Variants in OPN5 observed in about 807,000 individuals in gnomAD.
OPN5 encodes the protein opsin-5.
In OPN5, 18 loss-of-function variants were observed where a neutral mutation model predicts 41.7. The ratio of observed to expected loss-of-function variants is 0.43; its 90% CI spans 0.30 to 0.64. The LOEUF is 0.64. Among genes scored for constraint, OPN5 ranks in the 30% least tolerant of loss-of-function variants. OPN5 has a pLI of 0.13. For missense variants in OPN5, 318 were observed against 434.5 expected, an observed-to-expected ratio of 0.73 and a Z score of 2.38; for synonymous variants, 178 against 164.3, an observed-to-expected ratio of 1.08 and a Z score of -0.64.
At chr6:47,791,954 A>C in exon 3 of OPN5, 1 of 1,613,504 alleles carries the variant, frequency 6.2e-7, no homozygotes, top group Non-Finnish European at 8.5e-7. Flanking sequence ...ATATTTGAAA[A>C]TCTGCTATTT....
At chr6:47,816,042 C>A (rs146137096) in intron 6 of OPN5, among the ~76,000 whole-genome samples, 1 of 152,238 alleles carries the variant, frequency 6.6e-6, no homozygotes, top group Non-Finnish European at 1.5e-5. Flanking sequence ...AGAAAAAATT[C>A]TTTCAGGTAT....
At position 47,823,977 on chromosome 6, in the gene OPN5, C is replaced by T; in HGVS notation, c.1057-6C>T. 4 of 1,550,070 alleles carry T rather than the reference C, an allele frequency of 2.6e-6. No homozygotes were observed. The South Asian group carries it at 4.8e-5, about 18-fold the overall frequency. ...ACCCTAAAACTCAATTTTTTCTTCT[C>T]TACAGTGGGAATAACAAATGTTCTG... is the stretch of plus-strand genomic sequence containing the variant. On this transcript the variant is annotated splice_polypyrimidine_tract_variant and splice_region_variant and intron_variant, in intron 6 of 6. Coordinates refer to ENST00000371211, the Ensembl canonical transcript of OPN5.
intron 2 of OPN5, among the ~76,000 whole-genome samples, chr6:47,789,297 T>C (rs1463305706): frequency 2.0e-5 from 3 of 152,206 alleles, no homozygotes; most frequent in Non-Finnish European, 4.4e-5. Flanking sequence ...AATGTCTTTA[T>C]GTAAAACAAC....
chr6:47,786,285 G>A (rs1284284114), intron 1 of OPN5, among the ~76,000 whole-genome samples: 1 of 152,170 alleles, frequency 6.6e-6, no homozygotes, highest in Non-Finnish European at 1.5e-5. Context: ...AGTTAGCGAT[G>A]CCTTTTTCTG....
chr6:47,806,950 G>A (rs529810017), intron 4 of OPN5, among the ~76,000 whole-genome samples: 2 of 152,144 alleles, frequency 1.3e-5, no homozygotes, highest in Non-Finnish European at 2.9e-5. Context: ...CTAAGGTCGG[G>A]AGTTCGAGAC....
intron 2 of OPN5, among the ~76,000 whole-genome samples, chr6:47,791,231 A>G (rs1043415628): frequency 6.6e-6 from 1 of 152,196 alleles, no homozygotes; most frequent in South Asian, 2.1e-4. Flanking sequence ...TTCCATGAGA[A>G]AAAATGTTAT....
intron 6 of OPN5, among the ~76,000 whole-genome samples, chr6:47,821,438 A>G (rs1293875780): frequency 2.0e-5 from 3 of 152,156 alleles, no homozygotes; most frequent in Non-Finnish European, 4.4e-5. Flanking sequence ...AACCAGAGAG[A>G]GCTTTGTGAG....
At chr6:47,788,387 A>T (rs1334597987) in intron 2 of OPN5, among the ~76,000 whole-genome samples, 1 of 152,146 alleles carries the variant, frequency 6.6e-6, no homozygotes, top group Non-Finnish European at 1.5e-5. Flanking sequence ...GCTGAACTAG[A>T]CTAGGCTTGA....
chr6:47,816,973 C>T (rs1039624427), intron 6 of OPN5, among the ~76,000 whole-genome samples: 7 of 152,040 alleles, frequency 4.6e-5, no homozygotes, highest in African/African-American at 1.7e-4. Flanking sequence ...GTCTGGTCAC[C>T]ATAGATCTGG....
At chr6:47,810,468 T>G (rs1774148950) in intron 5 of OPN5, among the ~76,000 whole-genome samples, 1 of 145,768 alleles carries the variant, frequency 6.9e-6, no homozygotes, top group African/African-American at 2.8e-5. Context: ...CAGAGCAAGG[T>G]TAAGTGATGT....
Position 47,786,641 on chromosome 6 carries a change from CA to C in OPN5, c.250+9del. 1.9e-6 allele frequency: 3 copies of C among 1,612,828 alleles called. No homozygotes were observed. Among genetic ancestry groups the C allele is most frequent in the Non-Finnish European group, 2.5e-6 (3 of 1,179,088 alleles). Reference sequence around the variant, plus strand: ...TGTGATCTGGGGATTTCAGGTAACACAACCATGCTGTGTTTTCTTTGTGGGT... The same window carrying C: ...TGTGATCTGGGGATTTCAGGTAACACACCATGCTGTGTTTTCTTTGTGGGT... On this transcript the variant is annotated splice_region_variant and intron_variant, in intron 2 of 6. Coordinates refer to ENST00000371211, the Ensembl canonical transcript of OPN5.
exon 4 of OPN5, chr6:47,795,282 T>C: frequency 6.2e-7 from 1 of 1,613,384 alleles, no homozygotes; most frequent in Non-Finnish European, 8.5e-7. Flanking sequence ...CATCTGGGCC[T>C]ATGCTTCCTT....
intron 6 of OPN5, among the ~76,000 whole-genome samples, chr6:47,819,427 T>C (rs1269678528): frequency 7.0e-6 from 1 of 141,972 alleles, no homozygotes. Flanking sequence ...AATGTGATAC[T>C]AGAGAGGAGA....
intron 4 of OPN5, among the ~76,000 whole-genome samples, chr6:47,805,041 A>G (rs1241577166): frequency 6.6e-6 from 1 of 152,246 alleles, no homozygotes; most frequent in Non-Finnish European, 1.5e-5. Flanking sequence ...AGAAGCAAAG[A>G]TGGAGCTATG....
intron 4 of OPN5, 61 bp downstream of exon 4, chr6:47,795,624 A>G: frequency 8.7e-7 from 1 of 1,155,850 alleles, no homozygotes; most frequent in Non-Finnish European, 1.3e-6. Context: ...ATAGGGTACA[A>G]AGGATAGGGA....
At chr6:47,789,934 T>G (rs1773315645) in intron 2 of OPN5, among the ~76,000 whole-genome samples, 1 of 150,452 alleles carries the variant, frequency 6.6e-6, no homozygotes, top group African/African-American at 2.4e-5. Context: ...TGGTGAGGAC[T>G]GAATAGGGAG....
chr6:47,824,624 C>A (rs1762738901), exon 7 of OPN5: 1 of 152,250 alleles, frequency 6.6e-6, no homozygotes, highest in Admixed American at 6.5e-5. Flanking sequence ...AATATTCTTA[C>A]TACAGTTAAT....
At chr6:47,807,997 T>C (rs913781568) in intron 4 of OPN5, among the ~76,000 whole-genome samples, 157 bp from the exon 5 acceptor site, 1 of 151,774 alleles carries the variant, frequency 6.6e-6, no homozygotes, top group African/African-American at 2.4e-5. Flanking sequence ...TTCTCAGAAG[T>C]CCATATGAAA....
At chr6:47,800,480 C>G (rs529173235) in intron 4 of OPN5, among the ~76,000 whole-genome samples, 1 of 152,290 alleles carries the variant, frequency 6.6e-6, no homozygotes, top group East Asian at 1.9e-4. Flanking sequence ...GAAAAGATAT[C>G]TCAAAAGGCC....
Sources: gnomAD v4.1 joint callset for allele counts (sites outside exome capture counted in the v4.1 genomes callset) on GRCh38, gnomAD v4.1.1 for gene constraint, MANE v1.5 for transcripts, NCBI Gene and HGNC (gene_info 2026-07-23, HGNC 2026-07-21) for gene names.